The following VWCE variants were observed in gnomAD, a reference collection of about 807,000 sequenced individuals.
VWCE encodes the protein von Willebrand factor C and EGF domain-containing protein.
In VWCE, 68 loss-of-function variants were observed where a neutral mutation model predicts 102.9. The ratio of observed to expected loss-of-function variants is 0.66; its 90% CI spans 0.54 to 0.81. The LOEUF (loss-of-function observed/expected upper bound fraction) is 0.81, where lower values mean the gene tolerates loss of function less well. Ranked by LOEUF, VWCE falls within the 30% of genes least tolerant of loss-of-function variation. The pLI is 0.00. For missense variants in VWCE, 1,137 were observed against 1,263.6 expected (o/e 0.90, Z 1.52); for synonymous variants, 497 against 515.4 (o/e 0.96, Z 0.48).
At chr11:61,277,554 A>G (rs1389235175) in intron 10 of VWCE, among the ~76,000 whole-genome samples, 1 of 152,108 alleles carries the variant, frequency 6.6e-6, no homozygotes, top group African/African-American at 2.4e-5. Flanking sequence ...GCAATGAGCT[A>G]TGACTGCACC....
At chr11:61,272,537 C>T (rs1200100296) in intron 13 of VWCE, among the ~76,000 whole-genome samples, 1 of 151,718 alleles carries the variant, frequency 6.6e-6, no homozygotes, top group Non-Finnish European at 1.5e-5. Flanking sequence ...CCACAGATAC[C>T]ATTAACACAC....
rs757809736 is a variant in VWCE, at chr11:61,273,153, C to A, written c.1699+46G>T. 5.5e-5 allele frequency: 88 copies of A among 1,586,258 alleles called. 1 individual carries two copies. In the East Asian group the frequency reaches 1.8e-3, roughly 32 times the overall value. ...GCAGCAGGTGAAGCTCAGCCTCTCT[C>A]CCCAGTATCCATGCCCTGTGTCGGG... is the stretch of plus-strand genomic sequence containing the variant. On this transcript the variant is annotated intron_variant, in intron 13 of 19. Coordinates refer to ENST00000335613, the MANE Select transcript of VWCE (RefSeq NM_152718.2).
chr11:61,285,762 T>C (rs965511038), intron 5 of VWCE, among the ~76,000 whole-genome samples: 1 of 152,128 alleles, frequency 6.6e-6, no homozygotes, highest in African/African-American at 2.4e-5. Flanking sequence ...CAGCAGGTAC[T>C]TTGTTTTCTG....
At position 61,258,712 on chromosome 11, in the gene VWCE, G is replaced by A. The variant is rs951052952; in HGVS notation, c.2831C>T (p.Pro944Leu). 1 of 1,393,260 alleles carries A rather than the reference G, an allele frequency of 7.2e-7. No individual in the cohort carries two copies. Among genetic ancestry groups the A allele is most frequent in the African/African-American group, 1.5e-5 (1 of 68,106 alleles). 86.3% of individuals were successfully genotyped at this position (1,393,260 alleles called of 1,614,324 possible). The change falls in exon 20 of 20, where the codon CCA becomes CTA. Residue 944 changes from proline to leucine, a missense_variant. This residue lies in a region of VWCE where 316 missense variants were observed against 319.3 expected (regional missense o/e 0.99). Transcript: ENST00000335613. ...ATTHPGPQQP[P>L]VGASRGEEST... is the part of the protein sequence containing the mutation. Reference sequence around the variant, plus strand: ...CTCTTCCCCCCGAGAAGCCCCCACTGGGGGCTGCTGGGGGCCAGGGTGGGT... The same window carrying A: ...CTCTTCCCCCCGAGAAGCCCCCACTAGGGGCTGCTGGGGGCCAGGGTGGGT...
At chr11:61,279,300 C>T (rs144808928) in intron 9 of VWCE, among the ~76,000 whole-genome samples, 54 of 152,062 alleles carry the variant, frequency 3.6e-4, no homozygotes, top group African/African-American at 1.3e-3. Context: ...CCAGGCCCAG[C>T]GGCTCATGCC....
At position 61,281,835 on chromosome 11, in the gene VWCE, G is replaced by A. The variant is rs1404163544; in HGVS notation, c.738C>T (p.Cys246=). ...SCHNTVGSFL[C]TCRPGFRLRA... ...GGAGCCTGAAGCCAGGTCGGCATGT[G>A]CATAGGAAGCTGCCCACGGTGTTGT... Residue 246 remains cysteine (C), a synonymous_variant, in exon 7 of 20, where the codon TGC becomes TGT. Transcript: ENST00000335613. The A allele has an allele frequency of 1.2e-6, 2 of 1,613,854 alleles. No homozygotes were observed. The highest frequency in any genetic ancestry group is 1.3e-5 in the African/African-American group (1 of 74,928).
intron 19 of VWCE, among the ~76,000 whole-genome samples, chr11:61,260,966 C>G (rs1016184870): frequency 6.6e-6 from 1 of 151,968 alleles, no homozygotes; most frequent in Non-Finnish European, 1.5e-5. Context: ...GGCTCATGCC[C>G]ATAATCCCAG....
At chr11:61,276,442 G>A (rs1251697476) in intron 11 of VWCE, 151 bp downstream of exon 11, 13 of 518,824 alleles carry the variant, frequency 2.5e-5, no homozygotes, top group Admixed American at 2.0e-4. Flanking sequence ...GCAAAACTGG[G>A]CTTGGGGGCT....
At chr11:61,259,393 A>G (rs1455145105) in intron 19 of VWCE, 81 bp from the exon 20 acceptor site, 1 of 1,492,014 alleles carries the variant, frequency 6.7e-7, no homozygotes, top group Non-Finnish European at 8.9e-7. Context: ...TATACCAGGG[A>G]CACCCAAGCT....
rs114615459 is a variant in VWCE at position 61,279,235 on chromosome 11, C to A, written c.1325-759G>T. ...AATAAAGTACCCAATACTTCGCACT[C>A]AAGACTCAGCGTGTTGCGGGGACAT... On this transcript the variant is annotated intron_variant, in intron 9 of 19. Coordinates refer to ENST00000335613, the MANE Select transcript of VWCE (RefSeq NM_152718.2). Among the ~76,000 whole-genome samples the A allele has an allele frequency of 3.2e-3, 486 of 152,186 alleles. 5 individuals are homozygous for A. The highest frequency in any genetic ancestry group is 0.011 in the African/African-American group (466 of 41,534).
Position 61,273,350 on chromosome 11 carries a change from C to T in VWCE, c.1582-34G>A, listed in dbSNP as rs376820832. 107 of 1,561,640 alleles carry T rather than the reference C, an allele frequency of 6.9e-5. No homozygotes were observed. The East Asian group carries it at 8.7e-4, about 13-fold the overall frequency. ...GAGCCCAGGCACAGAATGATGAGGG[C>T]GGCACCCTGCCTGGGGACCATGGAG... On this transcript the variant is annotated intron_variant, in intron 12 of 19. Transcript: ENST00000335613.
intron 7 of VWCE, 111 bp from the exon 8 acceptor site, chr11:61,281,346 G>T: frequency 1.5e-6 from 2 of 1,305,222 alleles, no homozygotes; most frequent in Admixed American, 4.4e-5. Flanking sequence ...ACCCCCCGTG[G>T]TCTGCGCAAC....
chr11:61,265,246 T>C (rs1393166994), intron 16 of VWCE, 34 bp from the exon 17 acceptor site: 2 of 1,452,226 alleles, frequency 1.4e-6, no homozygotes, highest in Non-Finnish European at 1.8e-6. Context: ...AGGCCCTCGG[T>C]TCAGGGCAGC....
chr11:61,263,243 G>T (rs548604242), intron 19 of VWCE, among the ~76,000 whole-genome samples: 1 of 151,380 alleles, frequency 6.6e-6, no homozygotes, highest in East Asian at 1.9e-4. Context: ...GGAGGCAAAG[G>T]TTGCAGTGAG....
intron 1 of VWCE, among the ~76,000 whole-genome samples, chr11:61,291,795 G>A (rs1855510578): frequency 6.6e-6 from 1 of 152,256 alleles, no homozygotes; most frequent in Non-Finnish European, 1.5e-5. Context: ...GCCTCCTACA[G>A]ATATCTGCCA....
At position 61,259,180 on chromosome 11, in the gene VWCE, G is replaced by A. The variant is rs149908344; in HGVS notation, c.2363C>T (p.Thr788Ile). The A allele has an allele frequency of 1.9e-5, 31 of 1,614,102 alleles. No homozygotes were observed. The South Asian group carries it at 2.6e-4, about 14-fold the overall frequency. Residue 788 changes from threonine (T) to isoleucine (I), a missense_variant, in exon 20 of 20, where the codon ACA (threonine) becomes ATA (isoleucine). Transcript: ENST00000335613. ...AAGCACCGGCCTCGAGGGTGATGCT[G>A]TCGGGGGCCCAGGACAGGAGCTACA... ...VNCSSCPGPP[T>I]ASPSRPVLHL...
At chr11:61,265,075 G>A (rs757735134) in intron 17 of VWCE, 37 bp from the exon 18 acceptor site, 40 of 1,613,828 alleles carry the variant, frequency 2.5e-5, no homozygotes, top group Middle Eastern at 3.3e-4. Context: ...CATGAGAGCC[G>A]AGGCCTGGCC....
intron 13 of VWCE, among the ~76,000 whole-genome samples, chr11:61,272,194 CAG>C (rs1177567487): frequency 6.6e-6 from 1 of 152,010 alleles, no homozygotes; most frequent in Non-Finnish European, 1.5e-5. Flanking sequence ...CACATGCACA[CAG>C]ACACACACAT....
chr11:61,295,059 C>T lies in VWCE; in HGVS notation c.-22G>A. 10 of 1,337,500 alleles carry T rather than the reference C, an allele frequency of 7.5e-6. No individual in the cohort carries two copies. Among genetic ancestry groups the T allele is most frequent in the Admixed American group, 3.5e-5 (1 of 28,434 alleles). 82.9% of individuals were successfully genotyped at this position (1,337,500 alleles called of 1,614,324 possible). On this transcript the variant is annotated 5_prime_UTR_variant, in exon 1 of 20. Coordinates refer to ENST00000335613, the MANE Select transcript of VWCE (RefSeq NM_152718.2). The surrounding 1 kb of genome is among the most constrained non-coding windows in gnomAD (Gnocchi z 4.6). Reference sequence around the variant, plus strand: ...ACATGACCGGCGGCGGCGGGTCCCCCGGGCTGGGCTCGGCTCCTGCGCCGC... The same window carrying T: ...ACATGACCGGCGGCGGCGGGTCCCCTGGGCTGGGCTCGGCTCCTGCGCCGC...
Sources: allele counts gnomAD v4.1 joint callset (sites outside exome capture counted in the v4.1 genomes callset), GRCh38; gene constraint gnomAD v4.1.1; regional missense constraint gnomAD v4.1.1; non-coding constraint Gnocchi (gnomAD v3.1); transcripts MANE v1.5; gene names NCBI Gene and HGNC (gene_info 2026-07-23, HGNC 2026-07-21).